The following DRC11 variants were observed in gnomAD, a reference collection of about 807,000 sequenced individuals.
The protein encoded by DRC11 is IQ and AAA domain-containing protein 1.
the DRC11 span, among the ~76,000 whole-genome samples, chr2:236,493,411 G>C: frequency 6.6e-6 from 1 of 152,196 alleles, no homozygotes; most frequent in South Asian, 2.1e-4. Context: ...CAAGTTCCTA[G>C]TAAGTTATGT....
the DRC11 span, among the ~76,000 whole-genome samples, chr2:236,455,728 G>T: frequency 6.7e-4 from 102 of 152,268 alleles, 1 homozygote; most frequent in East Asian, 0.018. This position sits in a 1 kb window ranked among gnomAD's most constrained non-coding sequence, Gnocchi z 5.7. Flanking sequence ...TGAAAGGGGA[G>T]AATTTTACTG....
chr2:236,380,679 G>A, the DRC11 span: 1 of 1,418,054 alleles, frequency 7.1e-7, no homozygotes, highest in Non-Finnish European at 9.7e-7. The surrounding 1 kb of genome is among the most constrained non-coding windows in gnomAD (Gnocchi z 4.9). Context: ...GTCAAAACAA[G>A]CAAGCAAATA....
At chr2:236,422,107 A>C in the DRC11 span, among the ~76,000 whole-genome samples, 1 of 152,234 alleles carries the variant, frequency 6.6e-6, no homozygotes, top group Non-Finnish European at 1.5e-5. Flanking sequence ...ATCATACTGA[A>C]TGAGCAAAAA....
At chr2:236,466,464 G>A in the DRC11 span, among the ~76,000 whole-genome samples, 1 of 152,190 alleles carries the variant, frequency 6.6e-6, no homozygotes, top group Non-Finnish European at 1.5e-5. Context: ...ACTGGAGGGT[G>A]GGTAATTTAT....
chr2:236,424,750 C>T, the DRC11 span, among the ~76,000 whole-genome samples: 1 of 151,912 alleles, frequency 6.6e-6, no homozygotes, highest in African/African-American at 2.4e-5. Context: ...AATACATCTC[C>T]AGAACTTTTT....
the DRC11 span, among the ~76,000 whole-genome samples, chr2:236,494,273 A>G: frequency 3.6e-4 from 55 of 152,344 alleles, 1 homozygote; most frequent in Middle Eastern, 0.024. The surrounding 1 kb of genome is among the most constrained non-coding windows in gnomAD (Gnocchi z 4.2). Flanking sequence ...ATTAAACCTA[A>G]TAATTTATCA....
the DRC11 span, among the ~76,000 whole-genome samples, chr2:236,454,077 C>T: frequency 1.3e-5 from 2 of 152,114 alleles, no homozygotes; most frequent in African/African-American, 4.8e-5. This position sits in a 1 kb window ranked among gnomAD's most constrained non-coding sequence, Gnocchi z 5.3. Context: ...GTGGGGAGCT[C>T]GCTTATCACT....
chr2:236,316,287 A>G, the DRC11 span, among the ~76,000 whole-genome samples: 6 of 151,928 alleles, frequency 3.9e-5, no homozygotes, highest in Non-Finnish European at 7.4e-5. This position sits in a 1 kb window ranked among gnomAD's most constrained non-coding sequence, Gnocchi z 6.8. Context: ...CTCAGCCTCC[A>G]GAGTAGCTGG....
At chr2:236,407,788 TTTCAGTGGAAAATAAC>T in the DRC11 span, 1 of 297,206 alleles carries the variant, frequency 3.4e-6, no homozygotes, top group South Asian at 3.4e-5. Context: ...ATTTTTTTTT[TTTCAGTGGAAAATAAC>T]TTTTAGTGAG....
At chr2:236,331,648 A>G in the DRC11 span, 1 of 1,369,552 alleles carries the variant, frequency 7.3e-7, no homozygotes, top group Non-Finnish European at 1.0e-6. The surrounding 1 kb of genome is among the most constrained non-coding windows in gnomAD (Gnocchi z 4.8). Context: ...CAGAGAAATC[A>G]GTGCCAGTTT....
chr2:236,478,353 C>T, the DRC11 span, among the ~76,000 whole-genome samples: 1 of 152,008 alleles, frequency 6.6e-6, no homozygotes, highest in Non-Finnish European at 1.5e-5. The surrounding 1 kb of genome is among the most constrained non-coding windows in gnomAD (Gnocchi z 5.9). Flanking sequence ...GTATAATTTC[C>T]AAGTTTTCTC....
the DRC11 span, among the ~76,000 whole-genome samples, chr2:236,434,938 C>T: frequency 1.8e-3 from 269 of 152,278 alleles, no homozygotes; most frequent in Middle Eastern, 3.4e-3. This position sits in a 1 kb window ranked among gnomAD's most constrained non-coding sequence, Gnocchi z 5.5. Context: ...ATGACAATCA[C>T]TCAAGGCAGG....
the DRC11 span, among the ~76,000 whole-genome samples, chr2:236,465,137 G>A: frequency 1.3e-5 from 2 of 152,096 alleles, no homozygotes; most frequent in Non-Finnish European, 1.5e-5. The surrounding 1 kb of genome is among the most constrained non-coding windows in gnomAD (Gnocchi z 6.2). Context: ...GATTATGACC[G>A]AGAGGGACCA....
At chr2:236,393,164 A>C in the DRC11 span, among the ~76,000 whole-genome samples, 2 of 152,100 alleles carry the variant, frequency 1.3e-5, no homozygotes, top group African/African-American at 4.8e-5. The surrounding 1 kb of genome is among the most constrained non-coding windows in gnomAD (Gnocchi z 4.7). Context: ...CTATGTCGAG[A>C]ATGTAAAGGA....
chr2:236,324,616 C>T, the DRC11 span: 1 of 887,536 alleles, frequency 1.1e-6, no homozygotes, highest in Non-Finnish European at 1.8e-6. This position sits in a 1 kb window ranked among gnomAD's most constrained non-coding sequence, Gnocchi z 5.7. Flanking sequence ...GGGTCCTCTC[C>T]ATCCCAGAGA....
the DRC11 span, among the ~76,000 whole-genome samples, chr2:236,428,593 T>C: frequency 4.5e-4 from 68 of 152,338 alleles, no homozygotes; most frequent in African/African-American, 1.5e-3. Flanking sequence ...GAATATCTTT[T>C]TCTATCCCTT....
chr2:236,400,529 T>G, the DRC11 span, among the ~76,000 whole-genome samples: 1 of 152,358 alleles, frequency 6.6e-6, no homozygotes, highest in East Asian at 1.9e-4. This position sits in a 1 kb window ranked among gnomAD's most constrained non-coding sequence, Gnocchi z 7.9. Context: ...GCCTCAATAG[T>G]CTGGTTTCCG....
chr2:236,451,212 A>G, the DRC11 span, among the ~76,000 whole-genome samples: 1 of 152,222 alleles, frequency 6.6e-6, no homozygotes, highest in Admixed American at 6.5e-5. Flanking sequence ...AATTTATATT[A>G]TGGCACTAAT....
At chr2:236,339,796 T>C in the DRC11 span, among the ~76,000 whole-genome samples, 75 of 152,238 alleles carry the variant, frequency 4.9e-4, no homozygotes, top group Non-Finnish European at 9.3e-4. Context: ...GTCTTGATTG[T>C]TGTAGCTTTG....
Sources: allele counts gnomAD v4.1 joint callset (sites outside exome capture counted in the v4.1 genomes callset), GRCh38; gene constraint gnomAD v4.1.1; non-coding constraint Gnocchi (gnomAD v3.1); transcripts MANE v1.5; gene names NCBI Gene and HGNC (gene_info 2026-07-23, HGNC 2026-07-21).